ADGB: variants seen among roughly 807,000 people sequenced by gnomAD.
ADGB encodes androglobin, also known as calpain-7-like protein.
A neutral mutation model predicts 210.5 loss-of-function variants in ADGB; 172 were observed. The ratio of observed to expected loss-of-function variants is 0.82; its 90% CI spans 0.72 to 0.93. The LOEUF (loss-of-function observed/expected upper bound fraction) is 0.93, where lower values mean the gene tolerates loss of function less well. Ranked by LOEUF, ADGB falls within the 40% of genes least tolerant of loss-of-function variation. The pLI is 0.00. For synonymous variants in ADGB, 658 were observed against 662.7 expected (o/e 0.99, Z 0.11); for missense variants, 2,025 against 1,964.8 (o/e 1.03, Z -0.58).
chr6:146,642,424 C>A (rs184165848), intron 2 of ADGB, among the ~76,000 whole-genome samples: 1 of 152,076 alleles, frequency 6.6e-6, no homozygotes. Context: ...ACCATAGAGA[C>A]ACATGCATGC....
chr6:146,714,990 A>G (rs1583602353), intron 13 of ADGB, among the ~76,000 whole-genome samples: 1 of 152,346 alleles, frequency 6.6e-6, no homozygotes. Context: ...TATAATTGAA[A>G]TCAGCCTTTT....
rs914072738 is a variant in ADGB, at chr6:146,691,272, A to G, written c.1468A>G (p.Ile490Val). 1 of 1,546,278 alleles carries G rather than the reference A, an allele frequency of 6.5e-7. No individual in the cohort carries two copies. Among genetic ancestry groups the G allele is most frequent in the African/African-American group, 1.4e-5 (1 of 71,680 alleles). The change falls in exon 11 of 36, where the codon ATA becomes GTA. Residue 490 changes from isoleucine (I) to valine (V), a missense_variant. Coordinates refer to ENST00000397944, the MANE Select transcript of ADGB (RefSeq NM_024694.4). ...KLIRQKKETVITDEAQELIVK... is the reference protein window; with the variant it reads ...KLIRQKKETVVTDEAQELIVK... ...CATTCGTCAAAAAAAGGAAACTGTT[A>G]TAACAGATGAAGCTCAAGGTATGTA...
intron 1 of ADGB, among the ~76,000 whole-genome samples, chr6:146,625,221 G>T (rs920809851): frequency 6.6e-6 from 1 of 151,954 alleles, no homozygotes; most frequent in African/African-American, 2.4e-5. Flanking sequence ...TACTTCTGTT[G>T]TTGCTTCATG....
chr6:146,670,687 G>C (rs561598165), intron 7 of ADGB, among the ~76,000 whole-genome samples: 1 of 152,098 alleles, frequency 6.6e-6, no homozygotes, highest in Non-Finnish European at 1.5e-5. Flanking sequence ...CCAACCATTG[G>C]ATGTAAAGTT....
intron 7 of ADGB, among the ~76,000 whole-genome samples, chr6:146,671,427 G>T (rs943682899): frequency 6.6e-6 from 1 of 152,174 alleles, no homozygotes; most frequent in African/African-American, 2.4e-5. Flanking sequence ...ATTTTAAAGA[G>T]AGAGTCTTGG....
At chr6:146,627,338 A>G (rs976534333) in intron 1 of ADGB, among the ~76,000 whole-genome samples, 5 of 151,964 alleles carry the variant, frequency 3.3e-5, no homozygotes, top group African/African-American at 1.2e-4. Context: ...TTTTTATTTT[A>G]TGACAGACAT....
chr6:146,756,637 C>T (rs548611462), intron 27 of ADGB, among the ~76,000 whole-genome samples: 2 of 152,200 alleles, frequency 1.3e-5, no homozygotes, highest in East Asian at 3.9e-4. Context: ...GCTCGCTAAA[C>T]ATAATTTCCA....
chr6:146,749,006 G>A (rs1777282694), intron 26 of ADGB, among the ~76,000 whole-genome samples: 1 of 152,130 alleles, frequency 6.6e-6, no homozygotes, highest in African/African-American at 2.4e-5. Flanking sequence ...GAAGCACTGG[G>A]GGTTAGAACT....
intron 7 of ADGB, among the ~76,000 whole-genome samples, chr6:146,668,336 T>C (rs888803562): frequency 2.0e-5 from 3 of 151,920 alleles, no homozygotes; most frequent in African/African-American, 7.2e-5. Flanking sequence ...TTAGAGGAGG[T>C]TGAAGACAGG....
intron 18 of ADGB, chr6:146,725,817 AG>A (rs1292774173): frequency 2.5e-5 from 7 of 283,522 alleles, no homozygotes; most frequent in Non-Finnish European, 4.6e-5. Flanking sequence ...AGTGTGTGGG[AG>A]GTCACTCCAG....
chr6:146,686,582 C>T (rs1049453533), intron 10 of ADGB, among the ~76,000 whole-genome samples: 14 of 151,930 alleles, frequency 9.2e-5, no homozygotes, highest in African/African-American at 2.9e-4. Flanking sequence ...TTAGTGCTTG[C>T]GTAGTATTTA....
Position 146,634,066 on chromosome 6 carries a change from C to A in ADGB, c.75-1309C>A, listed in dbSNP as rs979178248. Among the ~76,000 whole-genome samples the A allele has an allele frequency of 3.9e-5, 6 of 152,046 alleles. 1 individual carries two copies. Among genetic ancestry groups the A allele is most frequent in the Admixed American group, 3.9e-4 (6 of 15,246 alleles). On this transcript the variant is annotated intron_variant, in intron 1 of 35. Coordinates refer to ENST00000397944, the MANE Select transcript of ADGB (RefSeq NM_024694.4). Reference sequence around the variant, plus strand: ...TACCATTCTGTTTTAACTTTTATACCGTGTTTTTACTGTATTTTTCTATGT... The same window carrying A: ...TACCATTCTGTTTTAACTTTTATACAGTGTTTTTACTGTATTTTTCTATGT...
chr6:146,796,405 T>C (rs925749263), intron 33 of ADGB, among the ~76,000 whole-genome samples: 2 of 152,114 alleles, frequency 1.3e-5, no homozygotes, highest in South Asian at 4.1e-4. Flanking sequence ...CCAATCTGCA[T>C]AGCCAAAGCA....
chr6:146,755,759 CATTAT>C lies in ADGB; in HGVS notation c.3550+3049_3550+3053del, dbSNP rs1312732454. Among the ~76,000 whole-genome samples, 5 of 148,254 alleles carry C rather than the reference CATTAT, an allele frequency of 3.4e-5. No individual in the cohort carries two copies. The East Asian group carries it at 9.9e-4, about 29-fold the overall frequency. Reference sequence around the variant, plus strand: ...TGTATGTTTTTGAATTATTCCATCACATTATATTTCTTAATTGATTACATCTTCTA... The same window carrying C: ...TGTATGTTTTTGAATTATTCCATCACATTTCTTAATTGATTACATCTTCTA... On this transcript the variant is annotated intron_variant, in intron 27 of 35. Coordinates refer to ENST00000397944, the MANE Select transcript of ADGB (RefSeq NM_024694.4).
chr6:146,773,804 T>TG (rs1443248325), intron 29 of ADGB, among the ~76,000 whole-genome samples: 3 of 152,156 alleles, frequency 2.0e-5, no homozygotes, highest in African/African-American at 7.2e-5. Flanking sequence ...CTGGTGGTAG[T>TG]GGTGATATTG....
At chr6:146,615,808 A>G (rs572325530) in intron 1 of ADGB, among the ~76,000 whole-genome samples, 50 of 152,248 alleles carry the variant, frequency 3.3e-4, no homozygotes, top group African/African-American at 1.1e-3. Context: ...TTATCCATTC[A>G]TCTGTTGATG....
In ADGB at chr6:146,757,265, C is replaced by T. The variant is rs1281754393; in HGVS notation, c.3550+4551C>T. On this transcript the variant is annotated intron_variant, in intron 27 of 35. Coordinates refer to ENST00000397944, the MANE Select transcript of ADGB (RefSeq NM_024694.4). ...GATATTTGCTATTTTAGAATAAACCCTAGTTGATTGTGGTGGTTTTTGTTA... is the reference window on the plus strand; with the variant it reads ...GATATTTGCTATTTTAGAATAAACCTTAGTTGATTGTGGTGGTTTTTGTTA... Among the ~76,000 whole-genome samples, 20 of 151,246 alleles carry T rather than the reference C, an allele frequency of 1.3e-4. 1 individual carries two copies. The highest frequency in any genetic ancestry group is 1.1e-3 in the Admixed American group (17 of 14,944).
intron 35 of ADGB, chr6:146,802,857 C>T: frequency 6.2e-7 from 1 of 1,609,884 alleles, no homozygotes; most frequent in Non-Finnish European, 8.5e-7. Flanking sequence ...TATCCTGGAA[C>T]CAAAGTAAGA....
At chr6:146,701,173 A>G (rs1447994825) in intron 13 of ADGB, 103 bp downstream of exon 13, 1 of 1,274,840 alleles carries the variant, frequency 7.8e-7, no homozygotes, top group African/African-American at 1.5e-5. Flanking sequence ...TATAACATGG[A>G]TCTGAACAGT....
Sources: gnomAD v4.1 joint callset for allele counts (sites outside exome capture counted in the v4.1 genomes callset) on GRCh38, gnomAD v4.1.1 for gene constraint, MANE v1.5 for transcripts, NCBI Gene and HGNC (gene_info 2026-07-23, HGNC 2026-07-21) for gene names.